The following SPP2 variants were observed in gnomAD, a reference collection of about 807,000 sequenced individuals.
SPP2 encodes secreted phosphoprotein 24.
Under a neutral mutation model 28.8 loss-of-function variants are expected in SPP2, and 34 were observed. That is an observed-to-expected ratio of 1.18 (90% CI 0.90 to 1.57). The LOEUF (loss-of-function observed/expected upper bound fraction) is 1.57, where lower values mean the gene tolerates loss of function less well. Among genes scored for constraint, SPP2 ranks in the 40% most tolerant of loss-of-function variants. The pLI is 0.00. For synonymous variants in SPP2, 96 were observed against 89.4 expected (o/e 1.07, Z -0.42); for missense variants, 269 against 263.9 (o/e 1.02, Z -0.13).
chr2:234,056,173 C>G (rs1574823857), intron 2 of SPP2: 1 of 152,004 alleles, frequency 6.6e-6, no homozygotes. Context: ...ACTCATCTGA[C>G]AAAGGGCTAA....
intron 5 of SPP2, 44 bp downstream of exon 5, chr2:234,066,631 CT>C (rs745706736): frequency 1.2e-5 from 17 of 1,432,982 alleles, no homozygotes; most frequent in Non-Finnish European, 1.7e-5. Flanking sequence ...CTTAAAATAA[CT>C]CCATATTGCA....
At position 234,054,056 on chromosome 2, in the gene SPP2, G is replaced by A. The variant is rs531178563; in HGVS notation, c.210+2961G>A. 2.0e-5 allele frequency among the ~76,000 whole-genome samples: 3 copies of A among 152,344 alleles called. No individual in the cohort carries two copies. In the East Asian group the frequency reaches 5.8e-4, roughly 29 times the overall value. On this transcript the variant is annotated intron_variant, in intron 2 of 7. Coordinates refer to ENST00000168148, the MANE Select transcript of SPP2 (RefSeq NM_006944.3). ...ATGATAGGCCTTGCCTGGGGCAGCA[G>A]TCAGATGGGGCAACAGTGTCCTCTG...
intron 7 of SPP2, among the ~76,000 whole-genome samples, chr2:234,076,114 G>T (rs13017720): frequency 6.6e-6 from 1 of 151,926 alleles, no homozygotes; most frequent in African/African-American, 2.4e-5. Flanking sequence ...ATGAGTCTGG[G>T]GTCTTGCTGT....
At chr2:234,057,569 T>C (rs903278844) in intron 2 of SPP2, among the ~76,000 whole-genome samples, 2 of 152,236 alleles carry the variant, frequency 1.3e-5, no homozygotes, top group Admixed American at 6.5e-5. Context: ...TAGTTTTCTT[T>C]GATGTGTCCA....
Position 234,058,959 on chromosome 2 carries a change from G to A in SPP2, c.333+1G>A, listed in dbSNP as rs1419597275. 3 of 1,612,262 alleles carry A rather than the reference G, an allele frequency of 1.9e-6. No homozygotes were observed. Among genetic ancestry groups the A allele is most frequent in the Middle Eastern group, 1.7e-4 (1 of 6,050 alleles). On this transcript the variant is annotated splice_donor_variant, in intron 3 of 7. Transcript: ENST00000168148. LOFTEE classifies it high-confidence loss of function. ...TGCCTTCCAGAGGGACTACTATGTG[G>A]TAAGTGGGAGGAGACCCATCCCAGA...
chr2:234,059,254 C>T (rs922157033), intron 3 of SPP2, among the ~76,000 whole-genome samples: 1 of 152,170 alleles, frequency 6.6e-6, no homozygotes, highest in Non-Finnish European at 1.5e-5. Context: ...ACACCAGAGA[C>T]AAATCCCAGA....
At chr2:234,066,114 G>A (rs1431006889) in intron 4 of SPP2, among the ~76,000 whole-genome samples, 1 of 152,154 alleles carries the variant, frequency 6.6e-6, no homozygotes, top group Admixed American at 6.5e-5. Context: ...TGTGATGATT[G>A]CATGGACTTT....
intron 3 of SPP2, 145 bp downstream of exon 3, chr2:234,059,103 G>A: frequency 2.0e-6 from 2 of 995,596 alleles, no homozygotes; most frequent in Non-Finnish European, 2.8e-6. Context: ...TCCCCTGGTG[G>A]GGGAAGTGTT....
intron 4 of SPP2, among the ~76,000 whole-genome samples, chr2:234,062,144 T>G (rs990734611): frequency 6.6e-6 from 1 of 152,106 alleles, no homozygotes; most frequent in African/African-American, 2.4e-5. Flanking sequence ...TTTGTGGAGT[T>G]TATAGACACG....
intron 7 of SPP2, among the ~76,000 whole-genome samples, chr2:234,072,025 GC>G (rs1331543573): frequency 6.6e-6 from 1 of 152,196 alleles, no homozygotes. Context: ...AACTTCAACT[GC>G]CACTGTCCCG....
In SPP2 at chr2:234,050,980, T is replaced by C. The variant is rs1377115981; in HGVS notation, c.95T>C (p.Val32Ala). Residue 32 changes from valine to alanine, a missense_variant, in exon 2 of 8, where the codon GTG (valine) becomes GCG (alanine). By Grantham distance (64) the Val-to-Ala change is moderately conservative. Transcript: ENST00000168148. The stretch of plus-strand genomic sequence containing the variant: ...GTGCTTGCGTGTCCAGGTTTCCCAG[T>C]GTACGACTACGATCCATCCTCCTTA... ...MNYWSCSGFPVYDYDPSSLRD... is the reference protein window; with the variant it reads ...MNYWSCSGFPAYDYDPSSLRD... The C allele has an allele frequency of 1.9e-6, 3 of 1,614,036 alleles. No individual in the cohort carries two copies. The highest frequency in any genetic ancestry group is 1.7e-5 in the Admixed American group (1 of 60,002).
chr2:234,069,868 C>T, intron 6 of SPP2, 60 bp from the exon 7 acceptor site: 1 of 1,320,920 alleles, frequency 7.6e-7, no homozygotes, highest in South Asian at 1.2e-5. Context: ...TAACATTGTC[C>T]ACACTGTCTC....
At chr2:234,069,159 G>A (rs1415286731) in intron 6 of SPP2, among the ~76,000 whole-genome samples, 1 of 151,552 alleles carries the variant, frequency 6.6e-6, no homozygotes, top group Admixed American at 6.6e-5. Context: ...AATCATGACA[G>A]CTGGATCCCC....
Position 234,060,425 on chromosome 2 carries a change from G to T in SPP2, c.390G>T (p.Val130=). The part of the protein sequence containing the change: ...VKVSAQQVQG[V]HARCSWSSST... ...TATCTGCCCAGCAGGTGCAGGGCGT[G>T]CATGCTCGCTGCAGCTGGTCCTCCT... The change falls in exon 4 of 8, where the codon GTG becomes GTT. Residue 130 remains valine, a synonymous_variant. Transcript: ENST00000168148. 1 of 1,613,746 alleles carries T rather than the reference G, an allele frequency of 6.2e-7. No individual in the cohort carries two copies. The highest frequency in any genetic ancestry group is 8.5e-7 in the Non-Finnish European group (1 of 1,179,884).
At chr2:234,063,615 T>C (rs1693762062) in intron 4 of SPP2, among the ~76,000 whole-genome samples, 1 of 152,310 alleles carries the variant, frequency 6.6e-6, no homozygotes, top group African/African-American at 2.4e-5. Flanking sequence ...AATCCCGAAA[T>C]TGAAATGTGT....
chr2:234,051,376 G>A (rs1030015288), intron 2 of SPP2, among the ~76,000 whole-genome samples: 4 of 152,164 alleles, frequency 2.6e-5, no homozygotes, highest in South Asian at 2.1e-4. Context: ...TGAAGTCCTC[G>A]CGATTCTTTC....
chr2:234,072,059 C>T (rs1690800689), intron 7 of SPP2, among the ~76,000 whole-genome samples: 2 of 151,734 alleles, frequency 1.3e-5, no homozygotes, highest in Non-Finnish European at 2.9e-5. Context: ...CACAGCCCAG[C>T]ACACTCAATA....
chr2:234,064,477 A>G (rs1040502839), intron 4 of SPP2, among the ~76,000 whole-genome samples: 1 of 152,032 alleles, frequency 6.6e-6, no homozygotes, highest in Non-Finnish European at 1.5e-5. Flanking sequence ...TTTTATACAT[A>G]TAACTTTATT....
chr2:234,065,442 G>A lies in SPP2; in HGVS notation c.445-1091G>A, dbSNP rs374505443. Among the ~76,000 whole-genome samples the A allele has an allele frequency of 1.7e-3, 256 of 152,238 alleles. 1 individual carries two copies. The highest frequency in any genetic ancestry group is 5.9e-3 in the African/African-American group (244 of 41,554). ...CTACACGTGCGTGCCACCATGCATGGCTAATTTTTGTATTTTTAGTAGAGA... is the reference window on the plus strand; with the variant it reads ...CTACACGTGCGTGCCACCATGCATGACTAATTTTTGTATTTTTAGTAGAGA... On this transcript the variant is annotated intron_variant, in intron 4 of 7. Coordinates refer to ENST00000168148, the MANE Select transcript of SPP2 (RefSeq NM_006944.3).
Sources: gnomAD v4.1 joint callset for allele counts (sites outside exome capture counted in the v4.1 genomes callset) on GRCh38, gnomAD v4.1.1 for gene constraint, MANE v1.5 for transcripts, NCBI Gene and HGNC (gene_info 2026-07-23, HGNC 2026-07-21) for gene names.